Variants in PPFIBP1 observed in about 807,000 individuals in gnomAD.
PPFIBP1 encodes PPFIB scaffold protein 1.
A neutral mutation model predicts 137.8 loss-of-function variants in PPFIBP1; 112 were observed. That is an observed-to-expected ratio of 0.81 (90% confidence interval 0.70 to 0.95). The LOEUF is 0.95. PPFIBP1 is among the 40% of genes least tolerant of loss of function. PPFIBP1 has a pLI of 0.00. For synonymous variants in PPFIBP1, 378 were observed against 417.3 expected (o/e 0.91, Z 1.15); for missense variants, 1,083 against 1,196.6 (o/e 0.91, Z 1.40).
Position 27,667,264 on chromosome 12 carries a change from A to C in PPFIBP1, c.1090A>C (p.Thr364Pro). The change falls in exon 13 of 30, where the codon ACT becomes CCT. Residue 364 changes from threonine to proline, a missense_variant. By Grantham distance (38) the Thr-to-Pro change is conservative. Coordinates refer to ENST00000228425, the MANE Select transcript of PPFIBP1 (RefSeq NM_003622.4). ...TGATCTGGAGAAAAGTCCATCACCC[A>C]CTCCAGTAATGGGATCTCCCAGTTG... ...FSDLEKSPSP[T>P]PVMGSPSCDP... The C allele has an allele frequency of 6.2e-7, 1 of 1,613,472 alleles. No individual in the cohort carries two copies. Among genetic ancestry groups the C allele is most frequent in the Non-Finnish European group, 8.5e-7 (1 of 1,179,732 alleles).
chr12:27,648,668 A>G (rs1288347135), intron 6 of PPFIBP1, among the ~76,000 whole-genome samples: 2 of 152,240 alleles, frequency 1.3e-5, no homozygotes, highest in Non-Finnish European at 2.9e-5. Flanking sequence ...CTATTCAACT[A>G]TAAAAAAGCA....
At chr12:27,550,662 G>A (rs143550555) in intron 1 of PPFIBP1, among the ~76,000 whole-genome samples, 7 of 152,182 alleles carry the variant, frequency 4.6e-5, no homozygotes, top group African/African-American at 1.4e-4. Flanking sequence ...GTGCCACCGC[G>A]AATTGTAAGA....
At chr12:27,608,176 T>C (rs1272754659) in intron 2 of PPFIBP1, among the ~76,000 whole-genome samples, 1 of 152,206 alleles carries the variant, frequency 6.6e-6, no homozygotes, top group African/African-American at 2.4e-5. Flanking sequence ...ATTCACAATT[T>C]AATAACATAT....
Position 27,658,836 on chromosome 12 carries a change from C to T in PPFIBP1, c.832C>T (p.Leu278Phe), listed in dbSNP as rs750461958. The part of the protein sequence containing the change: ...VDRDENFKKK[L>F]KEKNIEVQKM... ...CACAGATGAAAATTTTAAAAAGAAGCTCAAAGAAAAAAGTAAGGTTTGGTG... is the reference window on the plus strand; with the variant it reads ...CACAGATGAAAATTTTAAAAAGAAGTTCAAAGAAAAAAGTAAGGTTTGGTG... Residue 278 changes from leucine to phenylalanine, a missense_variant, in exon 10 of 30, where the codon CTC (leucine) becomes TTC (phenylalanine). Transcript: ENST00000228425. 6.2e-7 allele frequency: 1 copy of T among 1,613,000 alleles called. No homozygotes were observed. The highest frequency in any genetic ancestry group is 1.7e-5 in the Admixed American group (1 of 59,896).
chr12:27,683,764 ATTTATT>A (rs140395529), intron 24 of PPFIBP1, among the ~76,000 whole-genome samples: 11,079 of 151,756 alleles, frequency 0.073, 1,310 homozygotes, highest in African/African-American at 0.25. Flanking sequence ...CTCTTTATTT[ATTTATT>A]TTTATTTTTA....
intron 6 of PPFIBP1, among the ~76,000 whole-genome samples, chr12:27,649,319 A>G (rs1313632454): frequency 1.3e-5 from 2 of 152,200 alleles, no homozygotes; most frequent in Admixed American, 1.3e-4. Context: ...GATTAAGGAT[A>G]ATAAGAATTT....
At chr12:27,687,566 G>A in intron 25 of PPFIBP1, 59 bp downstream of exon 25, 1 of 1,545,874 alleles carries the variant, frequency 6.5e-7, no homozygotes, top group Non-Finnish European at 8.7e-7. Context: ...GACTGTCCAT[G>A]TGTCGAAACT....
In PPFIBP1 at chr12:27,562,784, T is replaced by C. The variant is rs563050219; in HGVS notation, c.-123-15368T>C. 2.0e-5 allele frequency among the ~76,000 whole-genome samples: 3 copies of C among 152,288 alleles called. No homozygotes were observed. In the South Asian group the frequency reaches 6.2e-4, roughly 32 times the overall value. On this transcript the variant is annotated intron_variant, in intron 1 of 29. Coordinates refer to ENST00000228425, the MANE Select transcript of PPFIBP1 (RefSeq NM_003622.4). ...AAGTTATTTGACTTCTGAACCGCAA[T>C]GTTGTTGGTTGTTAAGATGGTTATG...
intron 13 of PPFIBP1, among the ~76,000 whole-genome samples, chr12:27,671,066 G>GT (rs2060165200): frequency 6.6e-6 from 1 of 151,820 alleles, no homozygotes; most frequent in Non-Finnish European, 1.5e-5. Flanking sequence ...CTACTCAGGA[G>GT]GCTACGGCAG....
intron 2 of PPFIBP1, among the ~76,000 whole-genome samples, chr12:27,587,966 A>G (rs1210029820): frequency 6.6e-6 from 1 of 152,158 alleles, no homozygotes; most frequent in Non-Finnish European, 1.5e-5. Flanking sequence ...CTCTTTTATG[A>G]ACTCTCTTGT....
intron 1 of PPFIBP1, among the ~76,000 whole-genome samples, chr12:27,539,898 A>G (rs1013742197): frequency 6.6e-6 from 1 of 152,058 alleles, no homozygotes; most frequent in Non-Finnish European, 1.5e-5. Flanking sequence ...TATTCTGCGT[A>G]TGTAATTTTG....
intron 27 of PPFIBP1, among the ~76,000 whole-genome samples, chr12:27,689,453 G>T (rs529551146): frequency 8.5e-5 from 13 of 152,092 alleles, no homozygotes; most frequent in African/African-American, 3.1e-4. Flanking sequence ...AAAAAAAGAA[G>T]AAGAAGTACA....
intron 2 of PPFIBP1, among the ~76,000 whole-genome samples, chr12:27,618,500 CA>C (rs1286222342): frequency 1.3e-5 from 2 of 152,206 alleles, no homozygotes; most frequent in African/African-American, 2.4e-5. Flanking sequence ...TTAACCCAGA[CA>C]TCCCTTTCTA....
At chr12:27,527,472 G>C (rs1281630525) in intron 1 of PPFIBP1, among the ~76,000 whole-genome samples, 3 of 151,830 alleles carry the variant, frequency 2.0e-5, no homozygotes, top group Admixed American at 1.3e-4. Flanking sequence ...TGAACTCCTG[G>C]GCTCAAGCAG....
chr12:27,692,958 A>G lies in PPFIBP1; in HGVS notation c.*76A>G, dbSNP rs1468191556. ...TTTTCCAAACACTCACAGTATATAC[A>G]ACAGGCAGCGGATTGTCTATTGTTT... On this transcript the variant is annotated 3_prime_UTR_variant, in exon 30 of 30. Transcript: ENST00000228425. 7.0e-6 allele frequency: 11 copies of G among 1,565,988 alleles called. No individual in the cohort carries two copies. Among genetic ancestry groups the G allele is most frequent in the Non-Finnish European group, 9.5e-6 (11 of 1,156,562 alleles).
chr12:27,563,687 G>A (rs895079027), intron 1 of PPFIBP1, among the ~76,000 whole-genome samples: 21 of 152,062 alleles, frequency 1.4e-4, no homozygotes, highest in African/African-American at 5.1e-4. Flanking sequence ...CGCCCATCAT[G>A]GATCCTGGTG....
At chr12:27,529,705 A>G (rs1050986561) in intron 1 of PPFIBP1, among the ~76,000 whole-genome samples, 5 of 152,148 alleles carry the variant, frequency 3.3e-5, no homozygotes, top group African/African-American at 1.2e-4. Flanking sequence ...AATAATAATA[A>G]TAGTAAGTTG....
At chr12:27,610,456 A>G (rs1029026108) in intron 2 of PPFIBP1, among the ~76,000 whole-genome samples, 1 of 152,176 alleles carries the variant, frequency 6.6e-6, no homozygotes, top group Admixed American at 6.5e-5. Flanking sequence ...GGCACTGAGC[A>G]CTTAAAGCGC....
chr12:27,650,134 A>G lies in PPFIBP1; in HGVS notation c.596A>G (p.Asp199Gly), dbSNP rs759374806. 5.0e-6 allele frequency: 8 copies of G among 1,604,026 alleles called. No homozygotes were observed. The highest frequency in any genetic ancestry group is 6.8e-6 in the Non-Finnish European group (8 of 1,171,480). The change falls in exon 7 of 30, where the codon GAC (aspartate) becomes GGC (glycine). Residue 199 changes from aspartate to glycine, a missense_variant. Transcript: ENST00000228425. Reference sequence around the variant, plus strand: ...TTGGATTATGAAGATAAGTTCAGAGACACAGAGGTGAGTGATACAGTCTCT... The same window carrying G: ...TTGGATTATGAAGATAAGTTCAGAGGCACAGAGGTGAGTGATACAGTCTCT... ...DRLDYEDKFR[D>G]TEGLIQEIND...
Sources: gnomAD v4.1 joint callset for allele counts (sites outside exome capture counted in the v4.1 genomes callset) on GRCh38, gnomAD v4.1.1 for gene constraint, MANE v1.5 for transcripts, NCBI Gene and HGNC (gene_info 2026-07-23, HGNC 2026-07-21) for gene names.